Variants in ANKRD6 observed in about 807,000 individuals in gnomAD.
The protein encoded by ANKRD6 is ankyrin repeat domain-containing protein 6.
Under a neutral mutation model 82.3 loss-of-function variants are expected in ANKRD6, and 56 were observed. The observed-to-expected ratio is 0.68, with a 90% CI of 0.55 to 0.85. The LOEUF (loss-of-function observed/expected upper bound fraction) is 0.85, where lower values mean the gene tolerates loss of function less well. ANKRD6 is among the 40% of genes least tolerant of loss of function. The pLI is 0.00. For synonymous variants in ANKRD6, 347 were observed against 352.1 expected, an observed-to-expected ratio of 0.99 and a Z score of 0.16; for missense variants, 852 against 907.6, an observed-to-expected ratio of 0.94 and a Z score of 0.79.
chr6:89,542,682 C>T (rs186727934), intron 1 of ANKRD6, among the ~76,000 whole-genome samples: 1 of 152,176 alleles, frequency 6.6e-6, no homozygotes, highest in African/African-American at 2.4e-5. Context: ...GAAGACAAGT[C>T]GGGGTTAAAG....
At chr6:89,490,672 G>A (rs1001456655) in intron 1 of ANKRD6, among the ~76,000 whole-genome samples, 2 of 152,204 alleles carry the variant, frequency 1.3e-5, no homozygotes, top group Non-Finnish European at 2.9e-5. Context: ...CTCTGGAAAA[G>A]CAGCAGGCTG....
intron 1 of ANKRD6, among the ~76,000 whole-genome samples, chr6:89,534,329 A>G (rs973733551): frequency 7.9e-5 from 12 of 152,220 alleles, no homozygotes; most frequent in Non-Finnish European, 1.0e-4. Flanking sequence ...TGTAAAGCCT[A>G]TAATTACCCT....
At chr6:89,460,361 C>T (rs143908498) in intron 1 of ANKRD6, among the ~76,000 whole-genome samples, 1 of 151,840 alleles carries the variant, frequency 6.6e-6, no homozygotes, top group East Asian at 1.9e-4. Flanking sequence ...GCCAAAGCAA[C>T]TTAGATAAGT....
In ANKRD6 at chr6:89,630,420, C is replaced by A. The variant is rs1807129352; in HGVS notation, c.1613-13C>A. 1.3e-6 allele frequency: 2 copies of A among 1,597,748 alleles called. No individual in the cohort carries two copies. Among genetic ancestry groups the A allele is most frequent in the South Asian group, 1.1e-5 (1 of 89,506 alleles). ...TGGATTTGCTCTCACGTTTGTTTTC[C>A]TTCTGAAACCAGGTGTGGACCAATT... On this transcript the variant is annotated splice_polypyrimidine_tract_variant and intron_variant, in intron 15 of 15. Transcript: ENST00000339746.
intron 2 of ANKRD6, among the ~76,000 whole-genome samples, chr6:89,585,774 G>A (rs983793952): frequency 5.3e-5 from 8 of 152,340 alleles, no homozygotes; most frequent in African/African-American, 1.9e-4. Flanking sequence ...CGAGCTTGAT[G>A]ATGTGTGCCT....
chr6:89,515,966 A>G (rs1008513896), intron 1 of ANKRD6, among the ~76,000 whole-genome samples: 1 of 152,250 alleles, frequency 6.6e-6, no homozygotes, highest in Non-Finnish European at 1.5e-5. Flanking sequence ...CTGCAGCCAC[A>G]AGAAGCTAAA....
chr6:89,441,376 C>T (rs1771353815), intron 1 of ANKRD6, among the ~76,000 whole-genome samples: 1 of 152,220 alleles, frequency 6.6e-6, no homozygotes, highest in South Asian at 2.1e-4. Flanking sequence ...TCATCTGGAG[C>T]TCCTGACCTC....
At chr6:89,576,048 ACTTT>A (rs1410098063) in intron 2 of ANKRD6, among the ~76,000 whole-genome samples, 2 of 151,594 alleles carry the variant, frequency 1.3e-5, no homozygotes, top group African/African-American at 2.4e-5. Context: ...CATTTGCACA[ACTTT>A]CTTTCTTTTT....
intron 1 of ANKRD6, among the ~76,000 whole-genome samples, chr6:89,442,611 T>C (rs931096228): frequency 8.7e-5 from 11 of 126,516 alleles, no homozygotes; most frequent in Non-Finnish European, 1.4e-4. Context: ...TGTCAGACCC[T>C]GGGCAACAGA....
intron 1 of ANKRD6, among the ~76,000 whole-genome samples, chr6:89,538,970 C>T (rs1347549402): frequency 1.3e-5 from 2 of 151,972 alleles, no homozygotes; most frequent in Non-Finnish European, 2.9e-5. Context: ...TGATAACTAG[C>T]GAACAATGTC....
intron 2 of ANKRD6, 99 bp from the exon 3 acceptor site, chr6:89,595,817 C>G: frequency 3.4e-6 from 3 of 891,642 alleles, no homozygotes; most frequent in Non-Finnish European, 5.4e-6. Context: ...GAGTGATCAT[C>G]CGAAAGCCCC....
chr6:89,608,582 G>A (rs969003695), intron 5 of ANKRD6, among the ~76,000 whole-genome samples: 6 of 152,066 alleles, frequency 3.9e-5, no homozygotes, highest in Admixed American at 3.3e-4. Flanking sequence ...CTTTGTGAAC[G>A]TAATCTCTGT....
Position 89,629,557 on chromosome 6 carries a change from C to T in ANKRD6, c.1612+319C>T, listed in dbSNP as rs756036970. 4.1e-4 allele frequency: 154 copies of T among 373,496 alleles called. 1 individual carries two copies. Among genetic ancestry groups the T allele is most frequent in the Non-Finnish European group, 1.2e-4 (24 of 193,740 alleles). 23.1% of individuals were successfully genotyped at this position (373,496 alleles called of 1,614,324 possible). On this transcript the variant is annotated intron_variant, in intron 15 of 15. Transcript: ENST00000339746. ...AAGATGAGAGGTGATGAAGATCCAT[C>T]GGTCTCCTCAGCAGGGCTCTTCCTC...
chr6:89,499,825 C>A (rs966169633), intron 1 of ANKRD6, among the ~76,000 whole-genome samples: 7 of 152,094 alleles, frequency 4.6e-5, no homozygotes, highest in Admixed American at 3.3e-4. Context: ...GCCTGTCTTC[C>A]CTTTCAACTC....
intron 1 of ANKRD6, among the ~76,000 whole-genome samples, chr6:89,471,422 A>G (rs1582783511): frequency 6.6e-6 from 1 of 151,442 alleles, no homozygotes; most frequent in African/African-American, 2.4e-5. Context: ...AGTTACTAGC[A>G]CCTGGAAGGT....
At position 89,630,690 on chromosome 6, in the gene ANKRD6, G is replaced by C; in HGVS notation, c.1870G>C (p.Gly624Arg). Residue 624 changes from glycine to arginine, a missense_variant, in exon 16 of 16, where the codon GGG becomes CGG. Transcript: ENST00000339746. ...VNRGTQTKKSGKSGPTRHRAQ... is the reference protein window; with the variant it reads ...VNRGTQTKKSRKSGPTRHRAQ... ...CAGAGGCACTCAAACTAAGAAGTCT[G>C]GGAAGAGTGGGCCAACAAGGCATCG... is the stretch of plus-strand genomic sequence containing the variant. 6.2e-7 allele frequency: 1 copy of C among 1,614,004 alleles called. No individual in the cohort carries two copies. Among genetic ancestry groups the C allele is most frequent in the East Asian group, 2.2e-5 (1 of 44,884 alleles).
chr6:89,486,563 T>C (rs993982234), intron 1 of ANKRD6, among the ~76,000 whole-genome samples: 2 of 152,154 alleles, frequency 1.3e-5, no homozygotes, highest in African/African-American at 2.4e-5. Flanking sequence ...TTTCTGACAG[T>C]TCTGAGAGCT....
chr6:89,539,294 C>G (rs1583166866), intron 1 of ANKRD6, among the ~76,000 whole-genome samples: 1 of 152,066 alleles, frequency 6.6e-6, no homozygotes, highest in East Asian at 1.9e-4. Flanking sequence ...GTTTCATTTA[C>G]ATAAGCATAC....
chr6:89,472,393 T>C (rs1775584322), intron 1 of ANKRD6, among the ~76,000 whole-genome samples: 1 of 152,238 alleles, frequency 6.6e-6, no homozygotes, highest in Non-Finnish European at 1.5e-5. Flanking sequence ...CTTGGATCTT[T>C]GGGATATGTA....
Sources: gnomAD v4.1 joint callset for allele counts (sites outside exome capture counted in the v4.1 genomes callset) on GRCh38, gnomAD v4.1.1 for gene constraint, MANE v1.5 for transcripts, NCBI Gene and HGNC (gene_info 2026-07-23, HGNC 2026-07-21) for gene names.